Variants in WWOX observed in about 807,000 individuals in gnomAD.
WWOX encodes WW domain containing oxidoreductase, also known as WW domain-containing oxidoreductase.
A neutral mutation model predicts 46.2 loss-of-function variants in WWOX; 69 were observed. The observed-to-expected ratio is 1.49, with a 90% confidence interval of 1.23 to 1.82. The LOEUF (loss-of-function observed/expected upper bound fraction) is 1.82. WWOX is among the 40% of genes most tolerant of loss of function. The pLI, the probability that WWOX is intolerant of heterozygous loss-of-function variation, is 0.00. For synonymous variants in WWOX, 359 were observed against 202.6 expected (o/e 1.77, Z -6.56); for missense variants, 919 against 542.6 (o/e 1.69, Z -6.89).
At chr16:78,193,493 C>T (rs1005602992) in intron 5 of WWOX, among the ~76,000 whole-genome samples, 5 of 20,948 alleles carry the variant, frequency 2.4e-4, no homozygotes, top group Non-Finnish European at 4.8e-4. Context: ...GTGGTCTTTT[C>T]AGTGATCAGT....
At chr16:79,143,863 G>C (rs1597415088) in intron 8 of WWOX, among the ~76,000 whole-genome samples, 1 of 152,260 alleles carries the variant, frequency 6.6e-6, no homozygotes, top group South Asian at 2.1e-4. Context: ...GATGCAGCTA[G>C]CCACCATGTT....
chr16:78,848,242 G>C (rs984358331), intron 8 of WWOX, among the ~76,000 whole-genome samples: 1 of 152,180 alleles, frequency 6.6e-6, no homozygotes, highest in Non-Finnish European at 1.5e-5. Flanking sequence ...GAGTAACTTT[G>C]TACACCGTGG....
intron 8 of WWOX, among the ~76,000 whole-genome samples, chr16:78,634,654 C>G (rs1473549486): frequency 6.7e-6 from 1 of 150,054 alleles, no homozygotes; most frequent in Non-Finnish European, 1.5e-5. Context: ...TGCAGTGAGC[C>G]AAGATTGCGC....
chr16:78,313,901 T>C (rs2080300842), intron 5 of WWOX, among the ~76,000 whole-genome samples: 1 of 152,146 alleles, frequency 6.6e-6, no homozygotes, highest in Non-Finnish European at 1.5e-5. Flanking sequence ...AATTGTCCAG[T>C]CTTAGAGTGA....
intron 8 of WWOX, among the ~76,000 whole-genome samples, chr16:78,763,616 A>G (rs1476396649): frequency 6.6e-6 from 1 of 152,226 alleles, no homozygotes. Context: ...TTGAAACAAA[A>G]TCTGTCCTGG....
chr16:78,646,341 C>G (rs1237405759), intron 8 of WWOX, among the ~76,000 whole-genome samples: 3 of 152,176 alleles, frequency 2.0e-5, no homozygotes, highest in African/African-American at 7.2e-5. Flanking sequence ...TGCCTGCCAT[C>G]CTGTCCTAAC....
At chr16:78,305,095 T>G (rs1262318648) in intron 5 of WWOX, among the ~76,000 whole-genome samples, 1 of 152,206 alleles carries the variant, frequency 6.6e-6, no homozygotes, top group African/African-American at 2.4e-5. Flanking sequence ...TTCTGTCTTT[T>G]CTGCTGCTGT....
At chr16:79,003,342 T>A (rs1474401284) in intron 8 of WWOX, among the ~76,000 whole-genome samples, 1 of 152,184 alleles carries the variant, frequency 6.6e-6, no homozygotes, top group East Asian at 1.9e-4. Context: ...TTTGCTGAGA[T>A]CCTGCTGTAT....
intron 8 of WWOX, among the ~76,000 whole-genome samples, chr16:79,039,459 G>A (rs868137457): frequency 6.6e-6 from 1 of 152,134 alleles, no homozygotes; most frequent in African/African-American, 2.4e-5. Context: ...GGGCACAGCT[G>A]TGCAGAACCA....
chr16:78,804,130 G>A (rs931128034), intron 8 of WWOX, among the ~76,000 whole-genome samples: 2 of 152,136 alleles, frequency 1.3e-5, no homozygotes, highest in Admixed American at 1.3e-4. Context: ...GGGTCAGATA[G>A]CATGTGTCCT....
intron 5 of WWOX, among the ~76,000 whole-genome samples, chr16:78,360,395 G>A (rs1343593048): frequency 6.6e-6 from 1 of 151,966 alleles, no homozygotes; most frequent in Admixed American, 6.6e-5. Context: ...AGACCAGCCT[G>A]GTCAAATAGT....
At chr16:78,804,345 A>C (rs538085974) in intron 8 of WWOX, among the ~76,000 whole-genome samples, 202 of 152,096 alleles carry the variant, frequency 1.3e-3, no homozygotes, top group Middle Eastern at 3.4e-3. Context: ...TTAGACTCTG[A>C]CTTTGACTTT....
intron 8 of WWOX, among the ~76,000 whole-genome samples, chr16:78,557,251 T>G (rs1305491826): frequency 6.6e-6 from 1 of 152,114 alleles, no homozygotes; most frequent in Non-Finnish European, 1.5e-5. Context: ...CCTTAAGACC[T>G]GATTCTACCT....
At chr16:78,997,705 T>A (rs999282033) in intron 8 of WWOX, among the ~76,000 whole-genome samples, 1 of 151,956 alleles carries the variant, frequency 6.6e-6, no homozygotes, top group Non-Finnish European at 1.5e-5. Context: ...CCTACCCCTC[T>A]TTCTTTGTAT....
intron 8 of WWOX, among the ~76,000 whole-genome samples, chr16:78,560,039 T>G (rs529784220): frequency 6.6e-6 from 1 of 152,342 alleles, no homozygotes. Flanking sequence ...GGCTGTTGTC[T>G]TTTTTAGTGT....
chr16:78,902,945 G>A (rs748298213), intron 8 of WWOX, among the ~76,000 whole-genome samples: 56 of 152,166 alleles, frequency 3.7e-4, no homozygotes, highest in Admixed American at 1.0e-3. Flanking sequence ...CGGCTGAGTC[G>A]AGGATCCACA....
At chr16:78,522,910 A>G (rs187447818) in intron 8 of WWOX, among the ~76,000 whole-genome samples, 179 of 152,262 alleles carry the variant, frequency 1.2e-3, no homozygotes, top group African/African-American at 4.3e-3. Flanking sequence ...CGTCTCCACT[A>G]AAAATACAAA....
At chr16:78,356,253 T>C (rs1012806481) in intron 5 of WWOX, among the ~76,000 whole-genome samples, 4 of 152,062 alleles carry the variant, frequency 2.6e-5, no homozygotes, top group African/African-American at 9.7e-5. Context: ...ATAAAATATA[T>C]GTATCATATA....
chr16:79,033,116 C>G (rs548315637), intron 8 of WWOX, among the ~76,000 whole-genome samples: 18 of 148,684 alleles, frequency 1.2e-4, no homozygotes, highest in African/African-American at 2.7e-4. Context: ...TTTTTTAAGG[C>G]TGCATAGTAT....
Sources: allele counts gnomAD v4.1 joint callset (sites outside exome capture counted in the v4.1 genomes callset), GRCh38; gene constraint gnomAD v4.1.1; transcripts MANE v1.5; gene names NCBI Gene and HGNC (gene_info 2026-07-23, HGNC 2026-07-21).